The following ST6GALNAC6 variants were observed in gnomAD, a reference collection of about 807,000 sequenced individuals.
ST6GALNAC6 encodes alpha-N-acetylgalactosaminide alpha-2,6-sialyltransferase 6.
A neutral mutation model predicts 34.3 loss-of-function variants in ST6GALNAC6; 19 were observed. The observed-to-expected ratio is 0.55, with a 90% confidence interval of 0.39 to 0.81. ST6GALNAC6 has a LOEUF of 0.81. ST6GALNAC6 is among the 40% of genes least tolerant of loss of function. The probability of loss-of-function intolerance (pLI) is 0.00; values close to 1 mark genes in which losing one functional copy is unlikely to be tolerated. For synonymous variants in ST6GALNAC6, 185 were observed against 182.1 expected, an observed-to-expected ratio of 1.02 and a Z score of -0.13; for missense variants, 377 against 467.7, an observed-to-expected ratio of 0.81 and a Z score of 1.79.
upstream of ST6GALNAC6, chr9:127,904,127 T>C (rs192542655): frequency 4.6e-5 from 7 of 152,374 alleles, no homozygotes; most frequent in East Asian, 3.9e-4. Flanking sequence ...ACACACCTCA[T>C]TGAATCCTTA....
At chr9:127,904,662 C>T (rs1485395287) in intron 1 of ST6GALNAC6, 1 of 152,308 alleles carries the variant, frequency 6.6e-6, no homozygotes, top group Non-Finnish European at 1.5e-5. Context: ...TCCGGCCTCT[C>T]TCCCTCTAGG....
At position 127,886,437 on chromosome 9, in the gene ST6GALNAC6, C is replaced by T. The variant is rs1283607709; in HGVS notation, c.*162G>A. On this transcript the variant is annotated 3_prime_UTR_variant, in exon 7 of 7. Coordinates refer to ENST00000373146, the MANE Select transcript of ST6GALNAC6 (RefSeq NM_013443.5). Reference sequence around the variant, plus strand: ...CAAATCCCTGATTCGCCAACAGATTCCCCAGGCCCTGATTGGCTGGAGGAT... The same window carrying T: ...CAAATCCCTGATTCGCCAACAGATTTCCCAGGCCCTGATTGGCTGGAGGAT... The T allele has an allele frequency of 2.1e-6, 3 of 1,443,474 alleles. No homozygotes were observed. The highest frequency in any genetic ancestry group is 2.7e-6 in the Non-Finnish European group (3 of 1,100,268). The allele number at this position is 1,443,474 out of a possible 1,614,324, so 89.4% of individuals were successfully genotyped here. A position where few individuals can be genotyped will look rare whatever the true frequency, so the allele number is the denominator to read the frequency against.
intron 4 of ST6GALNAC6, among the ~76,000 whole-genome samples, chr9:127,891,779 G>A (rs1830158323): frequency 7.6e-6 from 1 of 131,916 alleles, no homozygotes; most frequent in Non-Finnish European, 1.6e-5. Flanking sequence ...CAGAGAGGGG[G>A]GAGAGGGAGG....
chr9:127,894,003 C>T (rs920051134), intron 4 of ST6GALNAC6, among the ~76,000 whole-genome samples: 3 of 152,302 alleles, frequency 2.0e-5, no homozygotes, highest in Admixed American at 6.5e-5. Context: ...ATACCATCTT[C>T]TTCCTTCCCT....
intron 2 of ST6GALNAC6, chr9:127,897,083 G>C (rs959651864): frequency 1.2e-6 from 1 of 868,066 alleles, no homozygotes; most frequent in Non-Finnish European, 1.4e-6. Context: ...CAGTCTCAGG[G>C]GGTGGCTGGG....
chr9:127,898,938 G>C (rs956410804), intron 1 of ST6GALNAC6, among the ~76,000 whole-genome samples: 1 of 152,190 alleles, frequency 6.6e-6, no homozygotes, highest in Non-Finnish European at 1.5e-5. Flanking sequence ...CAGGAGCATG[G>C]ACTCAGCCCA....
At chr9:127,887,613 G>C (rs763912418) in intron 5 of ST6GALNAC6, 22 bp from the exon 6 acceptor site, 2 of 1,582,210 alleles carry the variant, frequency 1.3e-6, no homozygotes, top group African/African-American at 2.7e-5. Context: ...GAGGGGTCAC[G>C]ATGAGGGCAC....
At chr9:127,905,096 C>T (rs1830883559) in intron 1 of ST6GALNAC6, 1 of 565,058 alleles carries the variant, frequency 1.8e-6, no homozygotes, top group African/African-American at 2.1e-5. Flanking sequence ...CTCAGCCACT[C>T]TGCTGAGGGG....
intron 4 of ST6GALNAC6, among the ~76,000 whole-genome samples, chr9:127,891,819 G>A (rs1416917770): frequency 6.6e-6 from 1 of 150,782 alleles, no homozygotes; most frequent in Admixed American, 6.6e-5. Context: ...ACAGGGGCAA[G>A]TGACCAAAGA....
In ST6GALNAC6 at chr9:127,890,814, G is replaced by C. The variant is rs1830089189; in HGVS notation, c.527C>G (p.Pro176Arg). ...RRPQEFVNRT[P>R]ETVFIFWGPP... ...CCCCCAGAAGATGAACACGGTTTCA[G>C]GGGTCCGGTTGACAAACTCCTGGGG... The change falls in exon 5 of 7, where the codon CCT becomes CGT. Residue 176 changes from proline to arginine, a missense_variant. By Grantham distance (103) the Pro-to-Arg change is moderately radical. Transcript: ENST00000373146. The surrounding 1 kb of genome is among the most constrained non-coding windows in gnomAD (Gnocchi z 4.3). 6.2e-7 allele frequency: 1 copy of C among 1,613,738 alleles called. No individual in the cohort carries two copies. Among genetic ancestry groups the C allele is most frequent in the African/African-American group, 1.3e-5 (1 of 74,932 alleles).
chr9:127,905,958 C>A (rs1250756629), upstream of ST6GALNAC6: 1 of 985,410 alleles, frequency 1.0e-6, no homozygotes, highest in African/African-American at 1.7e-5. Flanking sequence ...CTGTTGAGAG[C>A]TCCTCGCTCC....
At chr9:127,894,806 G>T (rs1588649453) in intron 3 of ST6GALNAC6, 115 bp from the exon 4 acceptor site, 1 of 1,191,720 alleles carries the variant, frequency 8.4e-7, no homozygotes, top group Non-Finnish European at 1.2e-6. Flanking sequence ...ACCAGGTCAG[G>T]CACTACTTCC....
chr9:127,905,993 G>A, upstream of ST6GALNAC6: 1 of 985,688 alleles, frequency 1.0e-6, no homozygotes, highest in Non-Finnish European at 1.2e-6. Context: ...CTGCCAGCCT[G>A]CTCCTTGCTT....
upstream of ST6GALNAC6, chr9:127,906,183 G>C (rs1357951025): frequency 4.9e-6 from 1 of 202,836 alleles, no homozygotes; most frequent in African/African-American, 2.3e-5. Context: ...AGAGCCCCCG[G>C]GACTACTGGC....
upstream of ST6GALNAC6, among the ~76,000 whole-genome samples, chr9:127,901,401 C>T (rs1830754503): frequency 6.6e-6 from 1 of 151,740 alleles, no homozygotes; most frequent in Non-Finnish European, 1.5e-5. Flanking sequence ...ACCAGCCTGG[C>T]TAACATGGTG....
At chr9:127,898,880 G>A (rs900952889) in intron 1 of ST6GALNAC6, among the ~76,000 whole-genome samples, 2 of 151,912 alleles carry the variant, frequency 1.3e-5, no homozygotes, top group African/African-American at 4.8e-5. Flanking sequence ...CGGCCTGTTG[G>A]GGAGCGGCTT....
intron 5 of ST6GALNAC6, 38 bp from the exon 6 acceptor site, chr9:127,887,629 G>C (rs1044969866): frequency 6.5e-7 from 1 of 1,527,160 alleles, no homozygotes; most frequent in Non-Finnish European, 9.0e-7. Context: ...GGCACATGCA[G>C]GGAGAGATGG....
chr9:127,905,132 A>G, intron 1 of ST6GALNAC6: 2 of 856,802 alleles, frequency 2.3e-6, no homozygotes, highest in Non-Finnish European at 2.8e-6. Flanking sequence ...ATGAACAGGA[A>G]AACAGAGGCC....
intron 3 of ST6GALNAC6, 53 bp from the exon 4 acceptor site, chr9:127,894,744 C>T: frequency 6.3e-7 from 1 of 1,586,988 alleles, no homozygotes; most frequent in Non-Finnish European, 8.6e-7. Flanking sequence ...GCTCAGCGCC[C>T]CCACCTCCTT....
Sources: allele counts gnomAD v4.1 joint callset (sites outside exome capture counted in the v4.1 genomes callset), GRCh38; gene constraint gnomAD v4.1.1; non-coding constraint Gnocchi (gnomAD v3.1); transcripts MANE v1.5; gene names NCBI Gene and HGNC (gene_info 2026-07-23, HGNC 2026-07-21).